Variants in GRM4 observed in about 807,000 individuals in gnomAD.
GRM4 encodes the protein metabotropic glutamate receptor 4.
A neutral mutation model predicts 81.7 loss-of-function variants in GRM4; 28 were observed. That is an observed-to-expected ratio of 0.34 (90% CI 0.25 to 0.47). The LOEUF is 0.47. Among genes scored for constraint, GRM4 ranks in the 20% least tolerant of loss-of-function variants. The pLI is 1.00. For missense variants in GRM4, 948 were observed against 1,290.0 expected, an observed-to-expected ratio of 0.73 and a Z score of 4.06; for synonymous variants, 488 against 528.8, an observed-to-expected ratio of 0.92 and a Z score of 1.06.
At position 34,115,347 on chromosome 6, in the gene GRM4, G is replaced by A. The variant is rs755618547; in HGVS notation, c.519+17631C>T. On this transcript the variant is annotated intron_variant, in intron 2 of 10. Transcript: ENST00000538487. This position sits in a 1 kb window ranked among gnomAD's most constrained non-coding sequence, Gnocchi z 4.1. The stretch of plus-strand genomic sequence containing the variant: ...ATTATTTATTCCCTACATTGTTAGC[G>A]CAGTAGAGAGAGCAACCGTGTCTCC... 2.0e-5 allele frequency among the ~76,000 whole-genome samples: 3 copies of A among 152,344 alleles called. No individual in the cohort carries two copies. Among genetic ancestry groups the A allele is most frequent in the Middle Eastern group, 6.8e-3 (2 of 294 alleles).
intron 3 of GRM4, chr6:34,091,571 C>T: frequency 2.8e-6 from 1 of 361,894 alleles, no homozygotes; most frequent in Admixed American, 4.3e-5. Flanking sequence ...CCCTCGTCCC[C>T]ACCCCATCCC....
At position 34,030,972 on chromosome 6, in the gene GRM4, C is replaced by T. The variant is rs1037080290; in HGVS notation, c.2443-2606G>A. Among the ~76,000 whole-genome samples the T allele has an allele frequency of 2.0e-5, 3 of 152,310 alleles. No homozygotes were observed. In the East Asian group the frequency reaches 5.8e-4, roughly 29 times the overall value. On this transcript the variant is annotated intron_variant, in intron 9 of 10. Coordinates refer to ENST00000538487, the MANE Select transcript of GRM4 (RefSeq NM_000841.4). ...CCCACCGCCAGTTCTGCTCCTTGCC[C>T]CAGGGTGTGGAATTTGAGCCCCACC...
At chr6:34,154,998 C>T (rs567315531) in intron 1 of GRM4, 9 of 1,175,782 alleles carry the variant, frequency 7.7e-6, no homozygotes, top group African/African-American at 1.6e-5. Flanking sequence ...GACCCAGGCC[C>T]AGTCTACGCC....
intron 2 of GRM4, among the ~76,000 whole-genome samples, chr6:34,128,420 C>A (rs1219169716): frequency 6.6e-6 from 1 of 150,610 alleles, no homozygotes; most frequent in African/African-American, 2.4e-5. Context: ...CTCTTGTCGC[C>A]CAGGCTGGGA....
At chr6:34,023,500 C>T (rs368148524) in intron 10 of GRM4, among the ~76,000 whole-genome samples, 45 of 152,152 alleles carry the variant, frequency 3.0e-4, no homozygotes, top group East Asian at 1.5e-3. Context: ...TTGACTCAGC[C>T]CTCCGCCCTA....
chr6:34,143,984 G>A (rs1013903970), intron 1 of GRM4, among the ~76,000 whole-genome samples: 4 of 152,264 alleles, frequency 2.6e-5, no homozygotes, highest in Non-Finnish European at 5.9e-5. Context: ...GTGGCTTCGG[G>A]CACCCAGCTA....
chr6:34,069,469 C>T lies in GRM4; in HGVS notation c.737-7441G>A, dbSNP rs904370075. ...CGGCTGCTCCAGAGTGAGCTGGGTG[C>T]GGGACACACGAGGGCTGGGCTGGCT... On this transcript the variant is annotated intron_variant, in intron 3 of 10. Transcript: ENST00000538487. The surrounding 1 kb of genome is among the most constrained non-coding windows in gnomAD (Gnocchi z 6.4). 5.9e-5 allele frequency among the ~76,000 whole-genome samples: 9 copies of T among 152,222 alleles called. No individual in the cohort carries two copies. The highest frequency in any genetic ancestry group is 1.7e-4 in the African/African-American group (7 of 41,530).
chr6:34,154,247 G>C (rs1771101429), intron 1 of GRM4, among the ~76,000 whole-genome samples: 2 of 152,194 alleles, frequency 1.3e-5, no homozygotes, highest in South Asian at 2.1e-4. Context: ...TGGTGAGCAC[G>C]GCTCCCCGCA....
chr6:34,098,127 C>G lies in GRM4; in HGVS notation c.520-6028G>C, dbSNP rs548049663. Among the ~76,000 whole-genome samples, 9 of 152,336 alleles carry G rather than the reference C, an allele frequency of 5.9e-5. No homozygotes were observed. The East Asian group carries it at 1.5e-3, about 26-fold the overall frequency. On this transcript the variant is annotated intron_variant, in intron 2 of 10. Transcript: ENST00000538487. ...CCCCGTAAAGTCGTCACCATCACAACAGAGAGGACTGCATCAGCAAATATG... is the reference window on the plus strand; with the variant it reads ...CCCCGTAAAGTCGTCACCATCACAAGAGAGAGGACTGCATCAGCAAATATG...
exon 1 of GRM4, chr6:34,155,091 C>T: frequency 6.6e-7 from 1 of 1,523,186 alleles, no homozygotes. Context: ...GAGCAGATTC[C>T]GGAAGGAGGC....
intron 2 of GRM4, among the ~76,000 whole-genome samples, chr6:34,129,741 T>C (rs893141703): frequency 6.6e-6 from 1 of 152,170 alleles, no homozygotes; most frequent in Non-Finnish European, 1.5e-5. Flanking sequence ...TGCCCTGTCA[T>C]GTTATCAGGG....
chr6:34,119,091 T>C (rs916383901), intron 2 of GRM4, among the ~76,000 whole-genome samples: 3 of 152,124 alleles, frequency 2.0e-5, no homozygotes, highest in Non-Finnish European at 4.4e-5. Flanking sequence ...TCCGTGGAGA[T>C]CCACAAAAGA....
chr6:34,024,767 G>A (rs1336734717), intron 10 of GRM4: 13 of 455,864 alleles, frequency 2.9e-5, no homozygotes, highest in Non-Finnish European at 5.7e-5. Flanking sequence ...CCGGATGGTG[G>A]TGGGCAAGTT....
At chr6:34,150,379 A>C (rs1771021094), upstream of GRM4, among the ~76,000 whole-genome samples, 2 of 152,024 alleles carry the variant, frequency 1.3e-5, no homozygotes, top group African/African-American at 4.8e-5. Context: ...AGCACCCCGC[A>C]AGAGTGGGGG....
rs530867701 is a variant in GRM4, at chr6:34,069,156, T to C, written c.737-7128A>G. Among the ~76,000 whole-genome samples the C allele has an allele frequency of 1.2e-4, 17 of 142,280 alleles. No homozygotes were observed. Among genetic ancestry groups the C allele is most frequent in the Admixed American group, 2.1e-4 (3 of 14,006 alleles). The allele number at this position is 142,280 out of a possible 152,430, so 93.3% of individuals were successfully genotyped here. ...GGGGCTGGAAGCTACCCCTGGACCC[T>C]CATGGGCGTATACACACACACACAC... On this transcript the variant is annotated intron_variant, in intron 3 of 10. Coordinates refer to ENST00000538487, the MANE Select transcript of GRM4 (RefSeq NM_000841.4). The surrounding 1 kb of genome is among the most constrained non-coding windows in gnomAD (Gnocchi z 6.4).
At position 34,114,290 on chromosome 6, in the gene GRM4, C is replaced by A. The variant is rs1769499008; in HGVS notation, c.519+18688G>T. Among the ~76,000 whole-genome samples, 3 of 152,172 alleles carry A rather than the reference C, an allele frequency of 2.0e-5. No individual in the cohort carries two copies. The South Asian group carries it at 6.2e-4, about 32-fold the overall frequency. On this transcript the variant is annotated intron_variant, in intron 2 of 10. Transcript: ENST00000538487. The surrounding 1 kb of genome is among the most constrained non-coding windows in gnomAD (Gnocchi z 4.3). ...TGGCTCACTCTGCTGCATTCTCAGC[C>A]CAACCCAACATCTGCTACTAAAAGA...
At chr6:34,142,183 C>T (rs536034688) in intron 1 of GRM4, among the ~76,000 whole-genome samples, 38 of 152,296 alleles carry the variant, frequency 2.5e-4, no homozygotes, top group African/African-American at 5.3e-4. Context: ...CCCTTAGGCC[C>T]GCCAAGACAG....
At chr6:34,040,125 G>A in intron 8 of GRM4, 53 bp downstream of exon 8, 1 of 1,577,572 alleles carries the variant, frequency 6.3e-7, no homozygotes, top group Non-Finnish European at 8.7e-7. Flanking sequence ...CCCCCTCCCA[G>A]GGGCTGGAAC....
intron 10 of GRM4, among the ~76,000 whole-genome samples, chr6:34,025,782 G>A (rs1764103356): frequency 6.6e-6 from 1 of 152,226 alleles, no homozygotes; most frequent in Admixed American, 6.5e-5. Flanking sequence ...GACCTTCTCA[G>A]AGCCGAGAGT....
Sources: gnomAD v4.1 joint callset for allele counts (sites outside exome capture counted in the v4.1 genomes callset) on GRCh38, gnomAD v4.1.1 for gene constraint, Gnocchi (gnomAD v3.1) non-coding constraint, MANE v1.5 for transcripts, NCBI Gene and HGNC (gene_info 2026-07-23, HGNC 2026-07-21) for gene names.